Variants in PPFIBP2 observed in about 807,000 individuals in gnomAD.
The protein encoded by PPFIBP2 is PPFIB scaffold protein 2.
In PPFIBP2, 118 loss-of-function variants were observed where a neutral mutation model predicts 118.3. The ratio of observed to expected loss-of-function variants is 1.00; its 90% CI spans 0.86 to 1.16. The LOEUF is 1.16. Ranked by LOEUF, PPFIBP2 falls within the 50% of genes most tolerant of loss-of-function variation. The pLI, the probability that PPFIBP2 is intolerant of heterozygous loss-of-function variation, is 0.00. For missense variants in PPFIBP2, 1,195 were observed against 1,073.1 expected (o/e 1.11, Z -1.59); for synonymous variants, 414 against 397.4 (o/e 1.04, Z -0.50).
At chr11:7,558,552 G>A (rs905607445) in intron 2 of PPFIBP2, among the ~76,000 whole-genome samples, 3 of 152,052 alleles carry the variant, frequency 2.0e-5, no homozygotes, top group Non-Finnish European at 2.9e-5. Flanking sequence ...TCAGGAGTTC[G>A]AGACCAGCCT....
At chr11:7,621,172 G>A (rs1216654796) in intron 7 of PPFIBP2, 145 bp downstream of exon 7, 8 of 634,422 alleles carry the variant, frequency 1.3e-5, no homozygotes, top group Non-Finnish European at 2.3e-5. Context: ...CCCAGATGGT[G>A]CAGTAGACAG....
intron 13 of PPFIBP2, 76 bp from the exon 14 acceptor site, chr11:7,635,476 C>A: frequency 7.1e-7 from 1 of 1,399,330 alleles, no homozygotes; most frequent in Non-Finnish European, 1.0e-6. Flanking sequence ...AACAGGTAGT[C>A]CTGAGTTGTT....
intron 21 of PPFIBP2, among the ~76,000 whole-genome samples, chr11:7,650,536 C>T (rs961207622): frequency 3.9e-5 from 6 of 152,210 alleles, no homozygotes; most frequent in African/African-American, 1.4e-4. Flanking sequence ...TCTGTTGAAT[C>T]ACTGAAAGAA....
At chr11:7,544,310 G>A (rs910572383) in intron 1 of PPFIBP2, among the ~76,000 whole-genome samples, 1 of 152,190 alleles carries the variant, frequency 6.6e-6, no homozygotes, top group Non-Finnish European at 1.5e-5. Context: ...TGTAACAACT[G>A]TCTCTGTATT....
intron 2 of PPFIBP2, among the ~76,000 whole-genome samples, chr11:7,559,096 G>A (rs1853997206): frequency 6.6e-6 from 1 of 152,178 alleles, no homozygotes; most frequent in Non-Finnish European, 1.5e-5. Flanking sequence ...TGCATTGAAA[G>A]TTGAAAATAT....
At chr11:7,635,446 G>A (rs1851326390) in intron 13 of PPFIBP2, 106 bp from the exon 14 acceptor site, 1 of 1,058,622 alleles carries the variant, frequency 9.4e-7, no homozygotes, top group Non-Finnish European at 1.5e-6. Flanking sequence ...GGGAGGGGAT[G>A]CGCCTTTCAG....
At chr11:7,515,864 C>A (rs1236557863) in intron 1 of PPFIBP2, among the ~76,000 whole-genome samples, 3 of 152,182 alleles carry the variant, frequency 2.0e-5, no homozygotes, top group African/African-American at 7.2e-5. Context: ...TTGTGGAGTG[C>A]ATGGTCTGAC....
At position 7,555,564 on chromosome 11, in the gene PPFIBP2, C is replaced by T. The variant is rs189091571; in HGVS notation, c.64+6025C>T. On this transcript the variant is annotated intron_variant, in intron 2 of 23. Transcript: ENST00000299492. Reference sequence around the variant, plus strand: ...AGCAGCATATAGCATTCATCAGTATCGGACTCGCTGTTTCCCATTGCAGGT... The same window carrying T: ...AGCAGCATATAGCATTCATCAGTATTGGACTCGCTGTTTCCCATTGCAGGT... Among the ~76,000 whole-genome samples, 37 of 152,288 alleles carry T rather than the reference C, an allele frequency of 2.4e-4. No individual in the cohort carries two copies. In the East Asian group the frequency reaches 6.0e-3, roughly 25 times the overall value.
Position 7,593,197 on chromosome 11 carries a change from AG to A in PPFIBP2, c.349del (p.Asp117IlefsTer9). 1.2e-6 allele frequency: 2 copies of A among 1,613,990 alleles called. No individual in the cohort carries two copies. The highest frequency in any genetic ancestry group is 1.3e-5 in the African/African-American group (1 of 75,016). On this transcript the variant is annotated frameshift_variant, in exon 4 of 24. Coordinates refer to ENST00000299492, the MANE Select transcript of PPFIBP2 (RefSeq NM_003621.5). LOFTEE classifies it high-confidence loss of function. ...ACCAGGAACGCTTGGCACGTCTAGA[AG>A]GGGATAAGGAGTCCCTCATATTGCA... is the stretch of plus-strand genomic sequence containing the variant. ...TYQERLARLEGDKESLILQVS... is the reference protein window; with the variant it reads ...TYQERLARLEXDKESLILQVS...
chr11:7,666,592 C>A, the PPFIBP2 span: 4 of 1,415,822 alleles, frequency 2.8e-6, no homozygotes, highest in Non-Finnish European at 4.0e-6. Flanking sequence ...CCAGGGCCAT[C>A]CTCTTGTTCC....
intron 3 of PPFIBP2, among the ~76,000 whole-genome samples, chr11:7,586,097 GGC>G (rs1858122249): frequency 6.6e-6 from 1 of 152,156 alleles, no homozygotes. Context: ...ATGATCCCAG[GGC>G]TATTAGCTAA....
In PPFIBP2 at chr11:7,651,982, T is replaced by C. The variant is rs149296683; in HGVS notation, c.2436+138T>C. The C allele has an allele frequency of 1.3e-3, 1,085 of 846,516 alleles. 14 individuals are homozygous for C. In the African/African-American group the frequency reaches 0.017, roughly 13 times the overall value. 52.4% of individuals were successfully genotyped at this position (846,516 alleles called of 1,614,324 possible). On this transcript the variant is annotated intron_variant, in intron 23 of 23. Transcript: ENST00000299492. Reference sequence around the variant, plus strand: ...GGATCTTTCAGCTTCTGCTGTGGGCTTGTGGTCTGTGAGGCCAGTCTTTGT... The same window carrying C: ...GGATCTTTCAGCTTCTGCTGTGGGCCTGTGGTCTGTGAGGCCAGTCTTTGT...
Position 7,514,002 on chromosome 11 carries a change from T to A in PPFIBP2, c.-156T>A, listed in dbSNP as rs1017911608. 2 of 152,280 alleles carry A rather than the reference T, an allele frequency of 1.3e-5. No homozygotes were observed. Among genetic ancestry groups the A allele is most frequent in the South Asian group, 4.1e-4 (2 of 4,834 alleles). 9.4% of individuals were successfully genotyped at this position (152,280 alleles called of 1,614,324 possible). A position where few individuals can be genotyped will look rare whatever the true frequency, so the allele number is the denominator to read the frequency against. On this transcript the variant is annotated 5_prime_UTR_variant, in exon 1 of 24. Transcript: ENST00000299492. Reference sequence around the variant, plus strand: ...TTGGTCGGGCGCTTGGTCCGGCAGTTGGTCGGTGGGCCAGTGGCCCGTCGC... The same window carrying A: ...TTGGTCGGGCGCTTGGTCCGGCAGTAGGTCGGTGGGCCAGTGGCCCGTCGC...
intron 3 of PPFIBP2, among the ~76,000 whole-genome samples, chr11:7,571,270 C>A (rs1404396080): frequency 1.3e-5 from 2 of 152,222 alleles, no homozygotes; most frequent in Non-Finnish European, 2.9e-5. Context: ...CCCCCCTTCT[C>A]AGCTCCAAAC....
intron 2 of PPFIBP2, among the ~76,000 whole-genome samples, chr11:7,557,029 C>T (rs1426980559): frequency 6.6e-6 from 1 of 152,154 alleles, no homozygotes; most frequent in East Asian, 1.9e-4. Context: ...GTTGTCTCTG[C>T]TTCATCCTCT....
chr11:7,557,207 CTTAA>C (rs1432787047), intron 2 of PPFIBP2, among the ~76,000 whole-genome samples: 2 of 151,916 alleles, frequency 1.3e-5, no homozygotes, highest in African/African-American at 2.4e-5. Flanking sequence ...AACCTGTTCA[CTTAA>C]TTAATTTGCT....
At chr11:7,644,251 T>G (rs947889619) in intron 17 of PPFIBP2, among the ~76,000 whole-genome samples, 1 of 152,224 alleles carries the variant, frequency 6.6e-6, no homozygotes, top group African/African-American at 2.4e-5. Context: ...ATACATGGAA[T>G]TTTTATGTTT....
chr11:7,651,445 A>C, intron 22 of PPFIBP2: 1 of 498,206 alleles, frequency 2.0e-6, no homozygotes, highest in Non-Finnish European at 3.6e-6. Context: ...GGTCTGTGAA[A>C]ACAAGGTGGT....
In PPFIBP2 at chr11:7,549,375, C is replaced by T. The variant is rs945122448; in HGVS notation, c.-36-65C>T. On this transcript the variant is annotated intron_variant, in intron 1 of 23. Transcript: ENST00000299492. ...GTGATGATGGAATGAAAGATTTTTG[C>T]GATCTTGTGTGCGTAACATGGAACT... The T allele has an allele frequency of 7.9e-5, 110 of 1,391,374 alleles. No individual in the cohort carries two copies. The East Asian group carries it at 2.5e-3, about 31-fold the overall frequency. The allele number at this position is 1,391,374 out of a possible 1,614,324, so 86.2% of individuals were successfully genotyped here.
Sources: gnomAD v4.1 joint callset for allele counts (sites outside exome capture counted in the v4.1 genomes callset) on GRCh38, gnomAD v4.1.1 for gene constraint, MANE v1.5 for transcripts, NCBI Gene and HGNC (gene_info 2026-07-23, HGNC 2026-07-21) for gene names.